TBC1D8: variants seen among roughly 807,000 people sequenced by gnomAD.
TBC1D8 encodes the protein BUB2-like protein 1.
A neutral mutation model predicts 118.8 loss-of-function variants in TBC1D8; 65 were observed. The observed-to-expected ratio is 0.55, with a 90% CI of 0.45 to 0.67. TBC1D8 has a LOEUF of 0.67. TBC1D8 is among the 30% of genes least tolerant of loss of function. The pLI is 0.00. For missense variants in TBC1D8, 1,376 were observed against 1,471.2 expected, an observed-to-expected ratio of 0.94 and a Z score of 1.06; for synonymous variants, 566 against 595.8, an observed-to-expected ratio of 0.95 and a Z score of 0.73.
intron 2 of TBC1D8, 23 bp downstream of exon 2, chr2:101,090,186 A>C (rs762539789): frequency 1.2e-6 from 2 of 1,603,024 alleles, no homozygotes; most frequent in Admixed American, 3.5e-5. Flanking sequence ...GGTTTGGAAC[A>C]TTCCAACTGG....
chr2:101,085,707 AAAG>A (rs775801614), intron 2 of TBC1D8, among the ~76,000 whole-genome samples: 1 of 152,236 alleles, frequency 6.6e-6, no homozygotes, highest in Non-Finnish European at 1.5e-5. Flanking sequence ...TCAAGGAAGA[AAAG>A]AAAATTCTCA....
intron 1 of TBC1D8, among the ~76,000 whole-genome samples, chr2:101,092,960 C>T (rs990538335): frequency 6.6e-6 from 1 of 152,138 alleles, no homozygotes; most frequent in African/African-American, 2.4e-5. Context: ...TCCACCAACA[C>T]GTGGAGTCTC....
At chr2:101,108,684 A>G (rs1030898762) in intron 1 of TBC1D8, among the ~76,000 whole-genome samples, 3 of 152,070 alleles carry the variant, frequency 2.0e-5, no homozygotes, top group Non-Finnish European at 4.4e-5. Context: ...CCCCTCGTCC[A>G]GTTATAAGAA....
chr2:101,035,691 A>G (rs1261720813), intron 9 of TBC1D8, among the ~76,000 whole-genome samples: 9 of 152,174 alleles, frequency 5.9e-5, no homozygotes, highest in Admixed American at 5.9e-4. Flanking sequence ...CTCACACACT[A>G]TAGACACTTC....
chr2:101,089,189 T>A (rs566290004), intron 2 of TBC1D8, among the ~76,000 whole-genome samples: 42 of 152,252 alleles, frequency 2.8e-4, no homozygotes, highest in African/African-American at 9.9e-4. Flanking sequence ...TCCATCTCAA[T>A]AAAATAAAAT....
In TBC1D8 at chr2:101,008,252, T is replaced by G; in HGVS notation, c.3037A>C (p.Lys1013Gln). ...TCATGGAACATACTGTACAGAGTTT[T>G]ACAGAACTGGATAAATTCTCTCTGA... ...MSQREFIQFC[K>Q]TLYSMFHEDP... The change falls in exon 20 of 20, where the codon AAA (lysine) becomes CAA (glutamine). Residue 1013 changes from lysine to glutamine, a missense_variant. Physicochemically the swap from Lys to Gln is moderately conservative, Grantham distance 53. Transcript: ENST00000409318. 1 of 1,551,264 alleles carries G rather than the reference T, an allele frequency of 6.4e-7. No individual in the cohort carries two copies. The highest frequency in any genetic ancestry group is 1.2e-5 in the South Asian group (1 of 81,350).
intron 2 of TBC1D8, among the ~76,000 whole-genome samples, chr2:101,063,761 C>CA (rs569065324): frequency 0.019 from 2,654 of 141,528 alleles, 90 homozygotes; most frequent in African/African-American, 0.061. Context: ...TACCTTTTTT[C>CA]AAAAAAAAAA....
chr2:101,031,609 A>G (rs1338314310), intron 11 of TBC1D8, among the ~76,000 whole-genome samples: 1 of 152,180 alleles, frequency 6.6e-6, no homozygotes, highest in Non-Finnish European at 1.5e-5. Context: ...TTGCTGGACT[A>G]CAGAGACAGC....
chr2:101,031,661 G>A (rs1217354060), intron 11 of TBC1D8, among the ~76,000 whole-genome samples: 1 of 152,210 alleles, frequency 6.6e-6, no homozygotes, highest in East Asian at 1.9e-4. Context: ...GGTACCCAGT[G>A]CAGGAGCGTT....
chr2:101,105,139 T>A (rs958458941), intron 1 of TBC1D8, among the ~76,000 whole-genome samples: 2 of 151,308 alleles, frequency 1.3e-5, no homozygotes, highest in Non-Finnish European at 2.9e-5. Context: ...GGGGAAAAAA[T>A]TGATGTTAGA....
At chr2:101,147,916 T>C (rs935699662) in intron 1 of TBC1D8, among the ~76,000 whole-genome samples, 2 of 152,180 alleles carry the variant, frequency 1.3e-5, no homozygotes, top group Admixed American at 6.5e-5. Context: ...TATAACTTTA[T>C]TTCCTTTCCA....
chr2:101,065,493 A>G (rs180691375), intron 2 of TBC1D8, among the ~76,000 whole-genome samples: 111 of 152,322 alleles, frequency 7.3e-4, no homozygotes, highest in Middle Eastern at 3.4e-3. Context: ...GGTTGGAACA[A>G]AAAGCCTTTG....
rs114966069 is a variant in TBC1D8 at position 101,117,495 on chromosome 2, T to A, written c.128-27131A>T. 8.9e-3 allele frequency among the ~76,000 whole-genome samples: 1,352 copies of A among 151,580 alleles called. 22 individuals carry two copies. Among genetic ancestry groups the A allele is most frequent in the African/African-American group, 0.031 (1,281 of 41,284 alleles). On this transcript the variant is annotated intron_variant, in intron 1 of 19. Coordinates refer to ENST00000409318, the MANE Select transcript of TBC1D8 (RefSeq NM_001330348.2). The stretch of plus-strand genomic sequence containing the variant: ...TCCCCTGACCTGTCAATAATCTAAG[T>A]CCAGTAAAGGGCAGATTCAGCGGGG...
intron 2 of TBC1D8, among the ~76,000 whole-genome samples, chr2:101,084,071 C>T (rs992279150): frequency 3.3e-5 from 5 of 152,130 alleles, no homozygotes; most frequent in East Asian, 1.9e-4. Flanking sequence ...AGACCTGGCC[C>T]GGGTCAGGCC....
chr2:101,038,961 G>C (rs1359950499), intron 6 of TBC1D8, among the ~76,000 whole-genome samples: 1 of 152,192 alleles, frequency 6.6e-6, no homozygotes, highest in Non-Finnish European at 1.5e-5. Flanking sequence ...TATGCTAAGT[G>C]AACAAGGCCA....
chr2:101,139,415 G>A (rs539132448), intron 1 of TBC1D8, among the ~76,000 whole-genome samples: 3 of 151,670 alleles, frequency 2.0e-5, no homozygotes, highest in Non-Finnish European at 4.4e-5. Flanking sequence ...TCTCCAGCCC[G>A]CTCCCACGCC....
chr2:101,057,801 G>A (rs1327563646), intron 3 of TBC1D8, among the ~76,000 whole-genome samples: 1 of 152,200 alleles, frequency 6.6e-6, no homozygotes, highest in Non-Finnish European at 1.5e-5. Flanking sequence ...TCCAGCCTGA[G>A]TGACAGAGCA....
At chr2:101,146,320 TCCTC>T (rs1679315775) in intron 1 of TBC1D8, among the ~76,000 whole-genome samples, 1 of 151,534 alleles carries the variant, frequency 6.6e-6, no homozygotes, top group Admixed American at 6.6e-5. Context: ...ATACCATACT[TCCTC>T]CCTTCACCCT....
At chr2:101,035,812 G>A (rs1409026511) in intron 9 of TBC1D8, among the ~76,000 whole-genome samples, 5 of 152,196 alleles carry the variant, frequency 3.3e-5, no homozygotes, top group East Asian at 1.9e-4. Context: ...CCAGTTGGAC[G>A]CCACAGCCCA....
Sources: allele counts gnomAD v4.1 joint callset (sites outside exome capture counted in the v4.1 genomes callset), GRCh38; gene constraint gnomAD v4.1.1; transcripts MANE v1.5; gene names NCBI Gene and HGNC (gene_info 2026-07-23, HGNC 2026-07-21).